The following NTRK3 variants were observed in gnomAD, a reference collection of about 807,000 sequenced individuals.
NTRK3 encodes NT-3 growth factor receptor.
Under a neutral mutation model 91.7 loss-of-function variants are expected in NTRK3, and 24 were observed. That is an observed-to-expected ratio of 0.26 (90% confidence interval 0.19 to 0.37). The LOEUF (loss-of-function observed/expected upper bound fraction) is 0.37. Among genes scored for constraint, NTRK3 ranks in the 10% least tolerant of loss-of-function variants. NTRK3 has a pLI of 1.00. For missense variants in NTRK3, 880 were observed against 1,068.9 expected (o/e 0.82, Z 2.46); for synonymous variants, 483 against 404.0 (o/e 1.20, Z -2.34).
intron 14 of NTRK3, chr15:87,979,522 C>T (rs1373214614): frequency 8.4e-7 from 1 of 1,186,364 alleles, no homozygotes. Context: ...AAAACCAAAA[C>T]CCCCAAAGAA....
At chr15:87,975,136 C>T (rs2073613325) in intron 14 of NTRK3, among the ~76,000 whole-genome samples, 1 of 152,164 alleles carries the variant, frequency 6.6e-6, no homozygotes, top group South Asian at 2.1e-4. Flanking sequence ...AGAATTATTA[C>T]TATTAATGCC....
chr15:87,865,665 C>A (rs1227081352), exon 19 of NTRK3: 1 of 219,840 alleles, frequency 4.5e-6, no homozygotes, highest in Non-Finnish European at 9.1e-6. Flanking sequence ...TTTTACAAAG[C>A]ATTATGTTGA....
chr15:88,172,279 A>G (rs905048404), intron 5 of NTRK3, among the ~76,000 whole-genome samples: 3 of 152,236 alleles, frequency 2.0e-5, no homozygotes, highest in Non-Finnish European at 4.4e-5. Context: ...AGGAACAGAA[A>G]TTAATGATGA....
intron 6 of NTRK3, among the ~76,000 whole-genome samples, chr15:88,144,674 A>T (rs2042718586): frequency 6.6e-6 from 1 of 152,166 alleles, no homozygotes; most frequent in Non-Finnish European, 1.5e-5. Flanking sequence ...TGTTTAACTT[A>T]GCCGAGCCTC....
intron 17 of NTRK3, among the ~76,000 whole-genome samples, chr15:87,896,238 C>T (rs144704155): frequency 0.011 from 1,730 of 152,058 alleles, 37 homozygotes; most frequent in African/African-American, 0.039. Flanking sequence ...TTTGGGAGGC[C>T]GAGGCACGCA....
chr15:87,867,654 C>T (rs1046634452), exon 19 of NTRK3: 1 of 229,418 alleles, frequency 4.4e-6, no homozygotes, highest in East Asian at 6.2e-5. Context: ...TGCTCCTAGC[C>T]CAGTGCTCTT....
chr15:88,033,107 G>A (rs1248261104), intron 13 of NTRK3, 62 bp from the exon 14 acceptor site: 5 of 1,496,290 alleles, frequency 3.3e-6, no homozygotes, highest in Admixed American at 4.0e-5. Flanking sequence ...TTCCAGCCCT[G>A]TCCACAGACA....
At chr15:88,169,112 T>A (rs991319081) in intron 5 of NTRK3, among the ~76,000 whole-genome samples, 1 of 152,146 alleles carries the variant, frequency 6.6e-6, no homozygotes, top group African/African-American at 2.4e-5. Flanking sequence ...CTGGAGGACA[T>A]GCAGGGAGAT....
At chr15:88,071,051 G>A (rs2047051777) in intron 13 of NTRK3, among the ~76,000 whole-genome samples, 1 of 152,192 alleles carries the variant, frequency 6.6e-6, no homozygotes, top group African/African-American at 2.4e-5. Context: ...GATCTGATTA[G>A]GGTTCAATCC....
chr15:87,921,294 G>A (rs1014865240), intron 17 of NTRK3, among the ~76,000 whole-genome samples: 1 of 152,292 alleles, frequency 6.6e-6, no homozygotes, highest in East Asian at 1.9e-4. Context: ...TGGACAACCA[G>A]TACAAGAACC....
intron 3 of NTRK3, among the ~76,000 whole-genome samples, chr15:88,201,051 G>A (rs2048261426): frequency 1.3e-5 from 2 of 152,178 alleles, no homozygotes; most frequent in Admixed American, 6.5e-5. Flanking sequence ...CTCAAACCAT[G>A]TAGATCCCTG....
At position 88,241,555 on chromosome 15, in the gene NTRK3, G is replaced by A. The variant is rs1223301070; in HGVS notation, c.248+14351C>T. On this transcript the variant is annotated intron_variant, in intron 3 of 18. Coordinates refer to ENST00000394480, the Ensembl canonical transcript of NTRK3. This position sits in a 1 kb window ranked among gnomAD's most constrained non-coding sequence, Gnocchi z 4.3. ...CTCTGGGCTGGAAAGGAGGAGGGAGGGTGTGCCCTGGTCAGTCTCACCTAG... is the reference window on the plus strand; with the variant it reads ...CTCTGGGCTGGAAAGGAGGAGGGAGAGTGTGCCCTGGTCAGTCTCACCTAG... Among the ~76,000 whole-genome samples, 1 of 152,118 alleles carries A rather than the reference G, an allele frequency of 6.6e-6. No individual in the cohort carries two copies. The highest frequency in any genetic ancestry group is 1.9e-4 in the East Asian group (1 of 5,184).
chr15:87,956,202 C>A (rs16941070), intron 14 of NTRK3, among the ~76,000 whole-genome samples: 69,923 of 152,036 alleles, frequency 0.46, 16,974 homozygotes, highest in African/African-American at 0.62. Context: ...CAACAATAGC[C>A]ATAAAAATTT....
chr15:87,961,424 T>C (rs2072279406), intron 14 of NTRK3, among the ~76,000 whole-genome samples: 1 of 152,240 alleles, frequency 6.6e-6, no homozygotes, highest in African/African-American at 2.4e-5. Flanking sequence ...AGACACTCCT[T>C]CTAGGGAGAT....
chr15:88,032,478 G>A (rs2078634350), intron 14 of NTRK3, among the ~76,000 whole-genome samples: 1 of 152,096 alleles, frequency 6.6e-6, no homozygotes, highest in African/African-American at 2.4e-5. Flanking sequence ...TTGGGTGGAG[G>A]TTCTGGTGAG....
intron 10 of NTRK3, among the ~76,000 whole-genome samples, chr15:88,132,454 G>GC (rs2041453213): frequency 6.6e-6 from 1 of 152,160 alleles, no homozygotes; most frequent in South Asian, 2.1e-4. Flanking sequence ...CTTGCACTAA[G>GC]CCCCATGCTA....
At chr15:88,146,062 A>C (rs1374046694) in intron 6 of NTRK3, among the ~76,000 whole-genome samples, 1 of 152,198 alleles carries the variant, frequency 6.6e-6, no homozygotes, top group Non-Finnish European at 1.5e-5. Flanking sequence ...GAATTGCCAT[A>C]AGGATTAAAT....
At chr15:88,160,896 C>T (rs150016540) in intron 5 of NTRK3, among the ~76,000 whole-genome samples, 1 of 152,308 alleles carries the variant, frequency 6.6e-6, no homozygotes, top group East Asian at 1.9e-4. Context: ...TCTGACCCTC[C>T]TGAGTTGTGG....
intron 5 of NTRK3, among the ~76,000 whole-genome samples, chr15:88,172,723 C>T (rs1404013964): frequency 6.6e-6 from 1 of 152,102 alleles, no homozygotes; most frequent in East Asian, 1.9e-4. Context: ...GTTATCTGGC[C>T]CTGGGTGAAT....
Sources: gnomAD v4.1 joint callset for allele counts (sites outside exome capture counted in the v4.1 genomes callset) on GRCh38, gnomAD v4.1.1 for gene constraint, Gnocchi (gnomAD v3.1) non-coding constraint, MANE v1.5 for transcripts, NCBI Gene and HGNC (gene_info 2026-07-23, HGNC 2026-07-21) for gene names.